DCDC2: variants seen among roughly 807,000 people sequenced by gnomAD.
DCDC2 encodes doublecortin domain containing 2, also known as doublecortin domain-containing protein 2.
Under a neutral mutation model 50.2 loss-of-function variants are expected in DCDC2, and 40 were observed. The observed-to-expected ratio is 0.80, with a 90% CI of 0.62 to 1.04. The LOEUF (loss-of-function observed/expected upper bound fraction) is 1.04, where lower values mean the gene tolerates loss of function less well. DCDC2 is among the 50% of genes least tolerant of loss of function. The pLI is 0.00. For synonymous variants in DCDC2, 234 were observed against 210.6 expected (o/e 1.11, Z -0.96); for missense variants, 570 against 581.9 (o/e 0.98, Z 0.21).
At chr6:24,324,815 C>G (rs1196207200) in intron 2 of DCDC2, among the ~76,000 whole-genome samples, 1 of 151,148 alleles carries the variant, frequency 6.6e-6, no homozygotes, top group Non-Finnish European at 1.5e-5. Context: ...CCCAGGTGTT[C>G]AAGGCCACAG....
At chr6:24,242,961 C>CA (rs11298638) in intron 7 of DCDC2, among the ~76,000 whole-genome samples, 261 of 147,984 alleles carry the variant, frequency 1.8e-3, no homozygotes, top group African/African-American at 5.8e-3. Context: ...GATCTCATCT[C>CA]AAAAAAAAAA....
At chr6:24,262,687 T>C (rs1413652149) in intron 7 of DCDC2, among the ~76,000 whole-genome samples, 1 of 152,128 alleles carries the variant, frequency 6.6e-6, no homozygotes, top group African/African-American at 2.4e-5. Context: ...TAGGATAGGG[T>C]GCCAGGCAGA....
At chr6:24,249,215 A>C (rs923839414) in intron 7 of DCDC2, among the ~76,000 whole-genome samples, 10 of 152,174 alleles carry the variant, frequency 6.6e-5, no homozygotes, top group African/African-American at 2.4e-4. Context: ...AGTTAATGTG[A>C]GCTGATTGTT....
At chr6:24,267,381 A>AT (rs1373543640) in intron 7 of DCDC2, among the ~76,000 whole-genome samples, 1 of 152,238 alleles carries the variant, frequency 6.6e-6, no homozygotes, top group African/African-American at 2.4e-5. Flanking sequence ...GATTATTATG[A>AT]ATTATATGCC....
intron 7 of DCDC2, among the ~76,000 whole-genome samples, chr6:24,212,305 C>A (rs1761890280): frequency 6.6e-6 from 1 of 152,164 alleles, no homozygotes; most frequent in Non-Finnish European, 1.5e-5. Flanking sequence ...CACCACAGAT[C>A]CACTTTCTGA....
intron 7 of DCDC2, among the ~76,000 whole-genome samples, chr6:24,249,491 T>C (rs756438391): frequency 6.6e-6 from 1 of 152,234 alleles, no homozygotes; most frequent in Non-Finnish European, 1.5e-5. Flanking sequence ...TATACAGTAA[T>C]GTAGCTTTTG....
Position 24,331,686 on chromosome 6 carries a change from T to C in DCDC2, c.348+21883A>G, listed in dbSNP as rs146075948. ...ATATAAAGTAACTTCTTTTAGATTATCTGCATGTGAGTATACAGATTTCTC... is the reference window on the plus strand; with the variant it reads ...ATATAAAGTAACTTCTTTTAGATTACCTGCATGTGAGTATACAGATTTCTC... On this transcript the variant is annotated intron_variant, in intron 2 of 9. Coordinates refer to ENST00000378454, the MANE Select transcript of DCDC2 (RefSeq NM_016356.5). 4.4e-3 allele frequency among the ~76,000 whole-genome samples: 668 copies of C among 152,316 alleles called. 9 individuals carry two copies. Among genetic ancestry groups the C allele is most frequent in the African/African-American group, 0.014 (587 of 41,574 alleles).
intron 7 of DCDC2, among the ~76,000 whole-genome samples, chr6:24,220,074 C>T (rs953099198): frequency 6.6e-6 from 1 of 152,228 alleles, no homozygotes; most frequent in African/African-American, 2.4e-5. Flanking sequence ...GGCTACCCAT[C>T]GCTCCTTTTC....
chr6:24,209,035 A>C (rs1437074932), intron 7 of DCDC2, among the ~76,000 whole-genome samples: 1 of 152,254 alleles, frequency 6.6e-6, no homozygotes, highest in East Asian at 1.9e-4. Flanking sequence ...ATTTGATGCC[A>C]AAGAATTGCC....
chr6:24,238,471 A>G (rs1037337321), intron 7 of DCDC2, among the ~76,000 whole-genome samples: 3 of 151,368 alleles, frequency 2.0e-5, no homozygotes, highest in Admixed American at 1.3e-4. Flanking sequence ...GCTAATTTGT[A>G]TATTTTTAGT....
At chr6:24,359,256 A>T (rs1281155382), upstream of DCDC2, among the ~76,000 whole-genome samples, 200 of 68,436 alleles carry the variant, frequency 2.9e-3, 1 homozygote, top group Middle Eastern at 0.019. Context: ...TATTATATAT[A>T]ATATATATTT....
chr6:24,291,640 T>C (rs1408126875), intron 4 of DCDC2, among the ~76,000 whole-genome samples: 2 of 151,366 alleles, frequency 1.3e-5, no homozygotes, highest in African/African-American at 4.8e-5. Context: ...CGCCCGCCAC[T>C]ACGCCCGGCT....
chr6:24,251,831 G>T (rs1401110111), intron 7 of DCDC2, among the ~76,000 whole-genome samples: 3 of 152,052 alleles, frequency 2.0e-5, no homozygotes, highest in Admixed American at 6.6e-5. Context: ...GATTTTACTG[G>T]ACTCTTTCCA....
chr6:24,201,390 C>G (rs1412708072), intron 8 of DCDC2, among the ~76,000 whole-genome samples: 2 of 152,160 alleles, frequency 1.3e-5, no homozygotes, highest in African/African-American at 4.8e-5. Flanking sequence ...GAACAACCTG[C>G]TCCTGAATGA....
chr6:24,289,904 C>T (rs1763701449), intron 5 of DCDC2, among the ~76,000 whole-genome samples: 1 of 141,756 alleles, frequency 7.1e-6, no homozygotes, highest in Non-Finnish European at 1.5e-5. Flanking sequence ...CTGGGAAAAG[C>T]AACAGAGATG....
chr6:24,241,673 G>A (rs1762565239), intron 7 of DCDC2, among the ~76,000 whole-genome samples: 1 of 152,106 alleles, frequency 6.6e-6, no homozygotes, highest in Non-Finnish European at 1.5e-5. Context: ...TGTTTTAAAA[G>A]ACTCACAAAG....
At chr6:24,313,715 A>G (rs1415809065) in intron 2 of DCDC2, among the ~76,000 whole-genome samples, 2 of 152,240 alleles carry the variant, frequency 1.3e-5, no homozygotes, top group Non-Finnish European at 2.9e-5. Context: ...CCAACTGTAC[A>G]TGATCTACAT....
chr6:24,321,835 T>A (rs1759779278), intron 2 of DCDC2, among the ~76,000 whole-genome samples: 1 of 152,222 alleles, frequency 6.6e-6, no homozygotes. Flanking sequence ...ACAAATTAGC[T>A]AATACAAATG....
intron 6 of DCDC2, 76 bp from the exon 7 acceptor site, chr6:24,278,287 A>T: frequency 6.6e-6 from 9 of 1,363,384 alleles, no homozygotes; most frequent in Non-Finnish European, 8.0e-6. Flanking sequence ...ACATGTCATT[A>T]ACTACTGGTA....
Sources: allele counts gnomAD v4.1 joint callset (sites outside exome capture counted in the v4.1 genomes callset), GRCh38; gene constraint gnomAD v4.1.1; transcripts MANE v1.5; gene names NCBI Gene and HGNC (gene_info 2026-07-23, HGNC 2026-07-21).